Variants in PPP2R5A observed in about 807,000 individuals in gnomAD.
PPP2R5A encodes serine/threonine-protein phosphatase 2A 56 kDa regulatory subunit alpha isoform.
A neutral mutation model predicts 64.2 loss-of-function variants in PPP2R5A; 25 were observed. That is an observed-to-expected ratio of 0.39 (90% CI 0.28 to 0.54). PPP2R5A has a LOEUF of 0.54. Ranked by LOEUF, PPP2R5A falls within the 20% of genes least tolerant of loss-of-function variation. The probability of loss-of-function intolerance (pLI) is 0.67; values close to 1 mark genes in which losing one functional copy is unlikely to be tolerated. For synonymous variants in PPP2R5A, 198 were observed against 201.2 expected (o/e 0.98, Z 0.13); for missense variants, 425 against 576.3 (o/e 0.74, Z 2.69).
At chr1:212,333,840 T>C (rs1032890988) in intron 3 of PPP2R5A, 7 of 327,760 alleles carry the variant, frequency 2.1e-5, no homozygotes, top group Admixed American at 1.5e-4. Flanking sequence ...CAAAGTACAT[T>C]CGCCATGTTA....
chr1:212,286,248 C>T lies in PPP2R5A; in HGVS notation c.138C>T (p.Ser46=), dbSNP rs757461229. Residue 46 remains serine, a synonymous_variant, in exon 1 of 13, where the codon AGC becomes AGT. Coordinates refer to ENST00000261461, the MANE Select transcript of PPP2R5A (RefSeq NM_006243.4). ...KRSQGSSQFR[S]QGSQAELHPL... The stretch of plus-strand genomic sequence containing the variant: ...CCCAGGGCTCGTCGCAGTTTCGCAG[C>T]CAGGGCAGCCAGGCAGAGCTGCACC... 4 of 1,547,378 alleles carry T rather than the reference C, an allele frequency of 2.6e-6. No individual in the cohort carries two copies. The highest frequency in any genetic ancestry group is 1.2e-5 in the South Asian group (1 of 83,912).
At chr1:212,307,571 TC>T (rs1658943806) in intron 1 of PPP2R5A, among the ~76,000 whole-genome samples, 1 of 152,206 alleles carries the variant, frequency 6.6e-6, no homozygotes, top group African/African-American at 2.4e-5. Flanking sequence ...GTATCAACCG[TC>T]CAATGGTACA....
intron 1 of PPP2R5A, among the ~76,000 whole-genome samples, chr1:212,291,350 G>A: frequency 6.6e-6 from 1 of 152,146 alleles, no homozygotes; most frequent in East Asian, 1.9e-4. Context: ...CCAAAGTTAT[G>A]GGATTACAGG....
rs145794416 is a variant in PPP2R5A, at chr1:212,292,225, A to G, written c.181+5934A>G. Among the ~76,000 whole-genome samples, 302 of 152,284 alleles carry G rather than the reference A, an allele frequency of 2.0e-3. 3 individuals carry two copies. The highest frequency in any genetic ancestry group is 1.0e-3 in the Non-Finnish European group (70 of 68,022). On this transcript the variant is annotated intron_variant, in intron 1 of 12. Transcript: ENST00000261461. ...GAACTCAGGGCTGCTTATATTCCAT[A>G]TTCCTATTTTGTCTTTGTCTTTTCT...
chr1:212,296,138 G>C (rs998587760), intron 1 of PPP2R5A, among the ~76,000 whole-genome samples: 3 of 152,080 alleles, frequency 2.0e-5, no homozygotes, highest in Admixed American at 6.6e-5. Context: ...AGGCAGAGGT[G>C]TAGGAGTCAA....
intron 8 of PPP2R5A, among the ~76,000 whole-genome samples, chr1:212,354,467 C>T (rs1048191675): frequency 2.0e-5 from 3 of 152,006 alleles, no homozygotes; most frequent in African/African-American, 4.8e-5. Flanking sequence ...TTGGTTGAAG[C>T]CAGGACTTTA....
Position 212,356,612 on chromosome 1 carries a change from T to A in PPP2R5A, c.928-14T>A. 6.2e-7 allele frequency: 1 copy of A among 1,606,816 alleles called. No individual in the cohort carries two copies. The highest frequency in any genetic ancestry group is 8.5e-7 in the Non-Finnish European group (1 of 1,177,502). On this transcript the variant is annotated splice_polypyrimidine_tract_variant and intron_variant, in intron 8 of 12. Coordinates refer to ENST00000261461, the MANE Select transcript of PPP2R5A (RefSeq NM_006243.4). ...TTGTTATTAAATTCATGCTAAACTT[T>A]TTCTTTTTCGCAGGTGATCAGAGGA...
At position 212,285,993 on chromosome 1, in the gene PPP2R5A, G is replaced by A. The variant is rs953821590; in HGVS notation, c.-118G>A. On this transcript the variant is annotated 5_prime_UTR_variant, in exon 1 of 13. Transcript: ENST00000261461. Reference sequence around the variant, plus strand: ...GCGTCCCGGGGCCGGAGGGCCGTGGGGCCGGGGCGCAGGGGCGCGAGCACC... The same window carrying A: ...GCGTCCCGGGGCCGGAGGGCCGTGGAGCCGGGGCGCAGGGGCGCGAGCACC... 12 of 1,109,794 alleles carry A rather than the reference G, an allele frequency of 1.1e-5. No homozygotes were observed. In the Middle Eastern group the frequency reaches 9.5e-4, roughly 88 times the overall value. The allele number at this position is 1,109,794 out of a possible 1,614,324, so 68.7% of individuals were successfully genotyped here.
At chr1:212,317,063 T>C (rs1659167503) in intron 1 of PPP2R5A, among the ~76,000 whole-genome samples, 1 of 152,230 alleles carries the variant, frequency 6.6e-6, no homozygotes, top group South Asian at 2.1e-4. Flanking sequence ...TGAACTAATC[T>C]GAAGTTCTGT....
chr1:212,315,942 G>T, intron 1 of PPP2R5A, among the ~76,000 whole-genome samples: 1 of 151,910 alleles, frequency 6.6e-6, no homozygotes, highest in East Asian at 1.9e-4. Context: ...TAATTGTTTT[G>T]GGGCATCATG....
chr1:212,322,297 T>C, intron 1 of PPP2R5A, among the ~76,000 whole-genome samples: 1 of 124,244 alleles, frequency 8.0e-6, no homozygotes, highest in African/African-American at 3.2e-5. Context: ...GAGGGAGAGC[T>C]TCTTACAGAT....
chr1:212,320,690 C>A (rs1452549465), intron 1 of PPP2R5A, among the ~76,000 whole-genome samples: 1 of 108,538 alleles, frequency 9.2e-6, no homozygotes, highest in Admixed American at 9.5e-5. Context: ...GGGGGCTGAC[C>A]CCCCCACCTC....
intron 1 of PPP2R5A, chr1:212,302,138 TGAGGA>T (rs756290460): frequency 1.4e-6 from 2 of 1,456,592 alleles, no homozygotes; most frequent in South Asian, 2.4e-5. Context: ...TTTGAAATCT[TGAGGA>T]GAGAAATGAA....
At chr1:212,339,663 T>C (rs1158464364) in intron 3 of PPP2R5A, among the ~76,000 whole-genome samples, 1 of 152,178 alleles carries the variant, frequency 6.6e-6, no homozygotes, top group Non-Finnish European at 1.5e-5. Flanking sequence ...TTCAATTATA[T>C]ATATGGTTCA....
intron 8 of PPP2R5A, among the ~76,000 whole-genome samples, chr1:212,352,125 G>A (rs1305969340): frequency 6.6e-6 from 1 of 151,566 alleles, no homozygotes; most frequent in Admixed American, 6.6e-5. Context: ...CTGGGTTCAC[G>A]CAATTCTTGT....
At chr1:212,296,414 T>C (rs1467506445) in intron 1 of PPP2R5A, among the ~76,000 whole-genome samples, 2 of 152,238 alleles carry the variant, frequency 1.3e-5, no homozygotes, top group Non-Finnish European at 2.9e-5. Flanking sequence ...ATTAACTGTA[T>C]TCTTTACATT....
chr1:212,356,854 T>C, intron 9 of PPP2R5A, 96 bp from the exon 10 acceptor site: 2 of 1,306,444 alleles, frequency 1.5e-6, no homozygotes, highest in Non-Finnish European at 2.1e-6. Flanking sequence ...TTTTGCTTAT[T>C]GTATACTATG....
intron 1 of PPP2R5A, among the ~76,000 whole-genome samples, chr1:212,296,255 C>T (rs1658689693): frequency 6.6e-6 from 1 of 151,218 alleles, no homozygotes; most frequent in Admixed American, 6.6e-5. Flanking sequence ...AGGGAAAATC[C>T]AGAGTTGTAT....
intron 1 of PPP2R5A, among the ~76,000 whole-genome samples, chr1:212,317,154 C>T (rs940118838): frequency 1.1e-4 from 16 of 152,262 alleles, no homozygotes; most frequent in African/African-American, 3.6e-4. Context: ...TCTCTACCTA[C>T]TTTGAGTTTT....
Sources: gnomAD v4.1 joint callset for allele counts (sites outside exome capture counted in the v4.1 genomes callset) on GRCh38, gnomAD v4.1.1 for gene constraint, MANE v1.5 for transcripts, NCBI Gene and HGNC (gene_info 2026-07-23, HGNC 2026-07-21) for gene names.